Variants in DHX8 observed in about 807,000 individuals in gnomAD.
DHX8 encodes the protein ATP-dependent RNA helicase DHX8.
DHX8 carries 67 observed loss-of-function variants against 140.7 expected under a neutral mutation model. The observed-to-expected ratio is 0.48, with a 90% CI of 0.39 to 0.58. DHX8 has a LOEUF of 0.58. Among genes scored for constraint, DHX8 ranks in the 20% least tolerant of loss-of-function variants. The pLI, the probability that DHX8 is intolerant of heterozygous loss-of-function variation, is 0.00. For missense variants in DHX8, 887 were observed against 1,550.7 expected (o/e 0.57, Z 7.19); for synonymous variants, 533 against 553.2 (o/e 0.96, Z 0.51).
At chr17:43,530,890 C>A (rs1018926924), downstream of DHX8, among the ~76,000 whole-genome samples, 1 of 151,864 alleles carries the variant, frequency 6.6e-6, no homozygotes, top group Non-Finnish European at 1.5e-5. Flanking sequence ...CGGGAGGAGG[C>A]GGGAGGGTGG....
intron 11 of DHX8, among the ~76,000 whole-genome samples, chr17:43,501,107 A>T (rs2154586557): frequency 6.6e-6 from 1 of 152,234 alleles, no homozygotes; most frequent in South Asian, 2.1e-4. Context: ...TTAGTCGGGG[A>T]TATGGATATT....
chr17:43,500,134 G>A (rs753530223), intron 11 of DHX8, 31 bp downstream of exon 11: 1 of 1,602,080 alleles, frequency 6.2e-7, no homozygotes, highest in East Asian at 2.2e-5. Flanking sequence ...TATGGACCTT[G>A]TTTAAAAATC....
intron 9 of DHX8, among the ~76,000 whole-genome samples, chr17:43,497,481 A>G (rs980607917): frequency 1.3e-5 from 2 of 152,040 alleles, no homozygotes; most frequent in Non-Finnish European, 2.9e-5. Flanking sequence ...GCCAAGTGTC[A>G]TGGCTCAGCC....
downstream of DHX8, chr17:43,530,138 G>A: frequency 6.4e-7 from 1 of 1,567,842 alleles, no homozygotes; most frequent in Non-Finnish European, 8.7e-7. Flanking sequence ...AGGGCCCAGA[G>A]AAGCCCTCTG....
At chr17:43,541,881 G>A (rs1971541265) in intron 3 of DHX8, among the ~76,000 whole-genome samples, 1 of 152,178 alleles carries the variant, frequency 6.6e-6, no homozygotes, top group Non-Finnish European at 1.5e-5. Flanking sequence ...TTGTAGCTGG[G>A]AAAGATTAGG....
At chr17:43,529,097 G>GC (rs774626442), downstream of DHX8, 5 of 1,592,528 alleles carry the variant, frequency 3.1e-6, no homozygotes, top group South Asian at 3.3e-5. Flanking sequence ...CACAGCCACT[G>GC]CCCCCCACCA....
downstream of DHX8, chr17:43,530,493 G>A: frequency 8.1e-7 from 1 of 1,235,350 alleles, no homozygotes; most frequent in Non-Finnish European, 1.0e-6. Context: ...TCAGGGGGAG[G>A]AGGGAGGGTG....
chr17:43,498,737 C>T lies in DHX8; in HGVS notation c.1301-125C>T, dbSNP rs140021941. On this transcript the variant is annotated intron_variant, in intron 9 of 22. Transcript: ENST00000262415. ...GTGCTGAGATTACAGGCGTGAGCCA[C>T]CATGCCCCACCAGGGGAAGCTGTTT... The T allele has an allele frequency of 1.1e-3, 709 of 672,118 alleles. 7 individuals are homozygous for T. In the African/African-American group the frequency reaches 0.012, roughly 12 times the overall value. 41.6% of individuals were successfully genotyped at this position (672,118 alleles called of 1,614,324 possible). A position where few individuals can be genotyped will look rare whatever the true frequency, so the allele number is the denominator to read the frequency against.
At position 43,491,274 on chromosome 17, in the gene DHX8, T is replaced by TCTA; in HGVS notation, c.393+28_393+30dup. The TCTA allele has an allele frequency of 3.8e-6, 5 of 1,299,416 alleles. No homozygotes were observed. In the South Asian group the frequency reaches 7.8e-5, roughly 20 times the overall value. 80.5% of individuals were successfully genotyped at this position (1,299,416 alleles called of 1,614,324 possible). On this transcript the variant is annotated intron_variant, in intron 4 of 22. Transcript: ENST00000262415. ...GGGTACTGATACCATTTTAAGAGTG[T>TCTA]CTACTATAAATATATATTCTCAACC...
chr17:43,530,941 CCATT>C (rs1027523745), downstream of DHX8, among the ~76,000 whole-genome samples: 36 of 152,228 alleles, frequency 2.4e-4, no homozygotes, highest in African/African-American at 7.7e-4. Flanking sequence ...ATTCCTGACT[CCATT>C]CAGGAGTAGC....
intron 17 of DHX8, 142 bp downstream of exon 17, chr17:43,513,644 T>A: frequency 1.4e-6 from 1 of 713,204 alleles, no homozygotes; most frequent in Non-Finnish European, 2.1e-6. Context: ...AGGGAAGGAT[T>A]TTTTGTTATT....
rs1442033808 is a variant in DHX8, at chr17:43,517,161, CT to C, written c.2644-5del. 6.2e-7 allele frequency: 1 copy of C among 1,612,788 alleles called. No homozygotes were observed. Among genetic ancestry groups the C allele is most frequent in the Non-Finnish European group, 8.5e-7 (1 of 1,179,402 alleles). On this transcript the variant is annotated splice_polypyrimidine_tract_variant and splice_region_variant and intron_variant, in intron 17 of 22. Transcript: ENST00000262415. Reference sequence around the variant, plus strand: ...ATATGTTGCTTTTATATGCCCACCCCTCTAGGCTCAGGCAAAGCAACGAGCT... The same window carrying C: ...ATATGTTGCTTTTATATGCCCACCCCCTAGGCTCAGGCAAAGCAACGAGCT...
At position 43,492,300 on chromosome 17, in the gene DHX8, C is replaced by G; in HGVS notation, c.503+8C>G. The G allele has an allele frequency of 6.2e-7, 1 of 1,608,094 alleles. No individual in the cohort carries two copies. The highest frequency in any genetic ancestry group is 8.5e-7 in the Non-Finnish European group (1 of 1,174,858). The stretch of plus-strand genomic sequence containing the variant: ...AAGAGATGCTGAACACCGGTTTGTC[C>G]TTAGTGTCCTGTCCTTTGGAAGTTT... On this transcript the variant is annotated splice_region_variant and intron_variant, in intron 5 of 22. Coordinates refer to ENST00000262415, the MANE Select transcript of DHX8 (RefSeq NM_004941.3).
At chr17:43,532,667 C>A in intron 2 of DHX8, 1 of 1,609,570 alleles carries the variant, frequency 6.2e-7, no homozygotes. Context: ...CCACCCCAGT[C>A]TCTTACCTGA....
chr17:43,500,709 G>A (rs908858698), intron 11 of DHX8, among the ~76,000 whole-genome samples: 6 of 151,922 alleles, frequency 3.9e-5, no homozygotes, highest in African/African-American at 7.3e-5. Flanking sequence ...TCAGGAGATC[G>A]AGACCATCCT....
chr17:43,499,904 A>G lies in DHX8; in HGVS notation c.1399-52A>G, dbSNP rs192216265. Reference sequence around the variant, plus strand: ...TAGATTACAGGAGCTTAACTTCTACATATTATTTCCCGGACATTTAATCCA... The same window carrying G: ...TAGATTACAGGAGCTTAACTTCTACGTATTATTTCCCGGACATTTAATCCA... On this transcript the variant is annotated intron_variant, in intron 10 of 22. Coordinates refer to ENST00000262415, the MANE Select transcript of DHX8 (RefSeq NM_004941.3). The G allele has an allele frequency of 2.3e-3, 3,620 of 1,600,472 alleles. 88 individuals carry two copies. The South Asian group carries it at 0.036, about 16-fold the overall frequency.
At chr17:43,485,663 T>C (rs1968097952) in intron 1 of DHX8, among the ~76,000 whole-genome samples, 1 of 152,096 alleles carries the variant, frequency 6.6e-6, no homozygotes, top group Non-Finnish European at 1.5e-5. Flanking sequence ...TACCTTTCTC[T>C]CTGTTTTCAT....
chr17:43,535,845 GCT>G (rs1971214244), intron 2 of DHX8, among the ~76,000 whole-genome samples: 1 of 152,204 alleles, frequency 6.6e-6, no homozygotes, highest in Non-Finnish European at 1.5e-5. Flanking sequence ...GGCGCACTGG[GCT>G]CACGCCTGTA....
Position 43,514,760 on chromosome 17 carries a change from C to T in DHX8, c.2643+1258C>T, listed in dbSNP as rs184409123. Among the ~76,000 whole-genome samples, 536 of 152,216 alleles carry T rather than the reference C, an allele frequency of 3.5e-3. 2 individuals are homozygous for T. The highest frequency in any genetic ancestry group is 4.8e-3 in the Non-Finnish European group (326 of 68,010). ...TATCAGAGGAAACCTGGAAAAAATT[C>T]TAAATGTATTCCAAAAGGGAAGTAG... On this transcript the variant is annotated intron_variant, in intron 17 of 22. Coordinates refer to ENST00000262415, the MANE Select transcript of DHX8 (RefSeq NM_004941.3).
Sources: allele counts gnomAD v4.1 joint callset (sites outside exome capture counted in the v4.1 genomes callset), GRCh38; gene constraint gnomAD v4.1.1; transcripts MANE v1.5; gene names NCBI Gene and HGNC (gene_info 2026-07-23, HGNC 2026-07-21).